Variants in NUP98 observed in about 807,000 individuals in gnomAD.
NUP98 encodes the protein nucleoporin 98 and 96 precursor, also known as nuclear pore complex protein Nup98-Nup96.
Under a neutral mutation model 191.9 loss-of-function variants are expected in NUP98, and 26 were observed. The observed-to-expected ratio is 0.14, with a 90% confidence interval of 0.10 to 0.19. The LOEUF is 0.19. Among genes scored for constraint, NUP98 ranks in the 10% least tolerant of loss-of-function variants. NUP98 has a pLI of 1.00. For missense variants in NUP98, 1,941 were observed against 2,178.8 expected (o/e 0.89, Z 2.17); for synonymous variants, 808 against 778.4 (o/e 1.04, Z -0.63).
intron 20 of NUP98, among the ~76,000 whole-genome samples, chr11:3,709,078 T>C (rs2078953171): frequency 6.6e-6 from 1 of 152,190 alleles, no homozygotes; most frequent in African/African-American, 2.4e-5. Context: ...CATTGCTTAA[T>C]TCAGTAGGAA....
chr11:3,766,691 A>AAC (rs1765244005), intron 8 of NUP98, among the ~76,000 whole-genome samples: 1 of 146,628 alleles, frequency 6.8e-6, no homozygotes, highest in South Asian at 2.1e-4. Flanking sequence ...CTCCGTCTCA[A>AAC]AAAAAAAAAA....
intron 11 of NUP98, among the ~76,000 whole-genome samples, 163 bp from the exon 12 acceptor site, chr11:3,744,812 G>A (rs1403307371): frequency 1.3e-5 from 2 of 152,158 alleles, no homozygotes; most frequent in African/African-American, 2.4e-5. Flanking sequence ...CAAGTACTGC[G>A]CTCAGTACAT....
At chr11:3,697,836 A>AAAAG (rs2078560206) in intron 25 of NUP98, among the ~76,000 whole-genome samples, 1 of 145,854 alleles carries the variant, frequency 6.9e-6, no homozygotes, top group Non-Finnish European at 1.5e-5. Context: ...AAAAAAAAAA[A>AAAAG]AAAAAAAAAG....
intron 27 of NUP98, 33 bp downstream of exon 27, chr11:3,693,199 A>G (rs1206328527): frequency 3.1e-6 from 5 of 1,610,752 alleles, no homozygotes; most frequent in South Asian, 1.1e-5. Flanking sequence ...ACACCCAGCA[A>G]GATTTTTGCT....
intron 12 of NUP98, among the ~76,000 whole-genome samples, chr11:3,742,699 C>CA (rs35895691): frequency 0.016 from 1,332 of 82,816 alleles, 21 homozygotes; most frequent in African/African-American, 0.048. Context: ...ACTCTGTCTC[C>CA]AAAAAAAAAA....
In NUP98 at chr11:3,691,453, G is replaced by T. The variant is rs769525260; in HGVS notation, c.4348C>A (p.Leu1450Ile). ...CCAGAACCCTCCAGATACGAAGGAA[G>T]TGGGGAGCAGGCATATCTGTCACTG... ...SDSDRYACSP[L>I]PSYLEGSGCV... Residue 1450 changes from leucine to isoleucine, a missense_variant, in exon 28 of 33, where the codon CTT becomes ATT. Leu to Ile is a conservative substitution (Grantham distance 5). Coordinates refer to ENST00000324932, the MANE Select transcript of NUP98 (RefSeq NM_016320.5). The T allele has an allele frequency of 3.7e-6, 6 of 1,614,072 alleles. No homozygotes were observed. Among genetic ancestry groups the T allele is most frequent in the Non-Finnish European group, 5.1e-6 (6 of 1,180,032 alleles).
intron 15 of NUP98, among the ~76,000 whole-genome samples, chr11:3,724,289 G>A (rs1334636688): frequency 2.0e-5 from 3 of 151,478 alleles, no homozygotes; most frequent in Non-Finnish European, 4.4e-5. Context: ...AAAAAAATTA[G>A]CTGGGCGTGG....
chr11:3,751,905 C>T (rs553790473), intron 11 of NUP98, among the ~76,000 whole-genome samples: 2 of 151,838 alleles, frequency 1.3e-5, no homozygotes, highest in South Asian at 2.1e-4. Flanking sequence ...AGGCTGGGCG[C>T]GGTGGCTCAT....
intron 18 of NUP98, among the ~76,000 whole-genome samples, chr11:3,717,668 T>G (rs1263929243): frequency 6.6e-6 from 1 of 152,210 alleles, no homozygotes; most frequent in Non-Finnish European, 1.5e-5. Context: ...CTTTTATTTT[T>G]CTTGCCTAAT....
intron 12 of NUP98, among the ~76,000 whole-genome samples, chr11:3,739,578 C>T (rs566858694): frequency 3.3e-5 from 5 of 152,130 alleles, no homozygotes; most frequent in South Asian, 2.1e-4. Context: ...GTATAAAATC[C>T]GCACAGAGAT....
chr11:3,737,280 C>A, intron 12 of NUP98, among the ~76,000 whole-genome samples: 1 of 132,354 alleles, frequency 7.6e-6, no homozygotes, highest in South Asian at 2.4e-4. Flanking sequence ...AAAAGTCTCA[C>A]AATGTTGTGG....
chr11:3,727,666 A>G (rs2079673096), intron 14 of NUP98, among the ~76,000 whole-genome samples: 1 of 152,086 alleles, frequency 6.6e-6, no homozygotes, highest in African/African-American at 2.4e-5. Context: ...GTTCAAGACA[A>G]GCCTGAGTAA....
chr11:3,730,127 T>C (rs1027791762), intron 14 of NUP98, among the ~76,000 whole-genome samples: 4 of 151,774 alleles, frequency 2.6e-5, no homozygotes, highest in Non-Finnish European at 4.4e-5. Flanking sequence ...CCCAGCTACT[T>C]GGGAAGCTGA....
intron 25 of NUP98, 39 bp downstream of exon 25, chr11:3,699,043 G>A: frequency 6.2e-7 from 1 of 1,603,228 alleles, no homozygotes; most frequent in African/African-American, 1.3e-5. Flanking sequence ...GAGTAGGAAG[G>A]CGACAGAGGC....
intron 11 of NUP98, among the ~76,000 whole-genome samples, chr11:3,747,121 A>G (rs1389770686): frequency 6.6e-6 from 1 of 152,166 alleles, no homozygotes; most frequent in Non-Finnish European, 1.5e-5. Context: ...TGTGTGATAC[A>G]ATAAAGTTCT....
chr11:3,754,251 ACT>A (rs1320899815), intron 10 of NUP98, among the ~76,000 whole-genome samples: 1 of 151,972 alleles, frequency 6.6e-6, no homozygotes. Context: ...ACATGGTGAA[ACT>A]CTGTCTCTAC....
At chr11:3,708,206 G>A (rs977772670) in intron 20 of NUP98, among the ~76,000 whole-genome samples, 1 of 152,068 alleles carries the variant, frequency 6.6e-6, no homozygotes, top group African/African-American at 2.4e-5. Flanking sequence ...TATTTATTTC[G>A]TTATTTCTAT....
At chr11:3,688,351 A>G (rs2078191637) in intron 28 of NUP98, among the ~76,000 whole-genome samples, 1 of 152,116 alleles carries the variant, frequency 6.6e-6, no homozygotes, top group Non-Finnish European at 1.5e-5. Flanking sequence ...GCTTGCAGTG[A>G]GCCTAGTTCG....
chr11:3,701,798 G>A (rs1366089747), intron 23 of NUP98, among the ~76,000 whole-genome samples: 1 of 150,972 alleles, frequency 6.6e-6, no homozygotes, highest in Non-Finnish European at 1.5e-5. Flanking sequence ...CCATTCTCCT[G>A]CCTCAGCCTC....
Sources: allele counts gnomAD v4.1 joint callset (sites outside exome capture counted in the v4.1 genomes callset), GRCh38; gene constraint gnomAD v4.1.1; transcripts MANE v1.5; gene names NCBI Gene and HGNC (gene_info 2026-07-23, HGNC 2026-07-21).